ZC3H12B: variants seen among roughly 807,000 people sequenced by gnomAD.
ZC3H12B encodes zinc finger CCCH-type containing 12B, also known as probable ribonuclease ZC3H12B.
A neutral mutation model predicts 43.9 loss-of-function variants in ZC3H12B; 7 were observed. The observed-to-expected ratio is 0.16, with a 90% confidence interval of 0.09 to 0.30. The LOEUF (loss-of-function observed/expected upper bound fraction) is 0.30, where lower values mean the gene tolerates loss of function less well. Among genes scored for constraint, ZC3H12B ranks in the 10% least tolerant of loss-of-function variants. The pLI is 1.00. For synonymous variants in ZC3H12B, 222 were observed against 241.7 expected (o/e 0.92, Z 0.76); for missense variants, 475 against 670.2 (o/e 0.71, Z 3.22).
the ZC3H12B span, among the ~76,000 whole-genome samples, chrX:65,313,948 A>G: frequency 8.9e-6 from 1 of 111,978 alleles, no homozygotes; most frequent in Non-Finnish European, 1.9e-5. Context: ...TTGAAACAGC[A>G]GTCCTAAGCT....
At chrX:65,117,144 C>T in the ZC3H12B span, among the ~76,000 whole-genome samples, 2 of 111,877 alleles carry the variant, frequency 1.8e-5, no homozygotes, top group Admixed American at 1.9e-4. Context: ...CACTGTCTTC[C>T]ACAATGGTTG....
At chrX:65,127,221 C>G in the ZC3H12B span, among the ~76,000 whole-genome samples, 6 of 111,882 alleles carry the variant, frequency 5.4e-5, no homozygotes, top group African/African-American at 1.6e-4. Context: ...TCCCCCTTCC[C>G]CTAGGAAAGG....
chrX:65,368,156 G>C (rs927499441), intron 1 of ZC3H12B, among the ~76,000 whole-genome samples: 1 of 111,925 alleles, frequency 8.9e-6, no homozygotes, highest in Non-Finnish European at 1.9e-5. Context: ...TTTGGAGTGA[G>C]GTAGAAAGGG....
chrX:65,373,780 T>C (rs1172999398), intron 2 of ZC3H12B, among the ~76,000 whole-genome samples: 1 of 92,744 alleles, frequency 1.1e-5, no homozygotes, highest in Non-Finnish European at 2.1e-5. Flanking sequence ...TTAGGAGATA[T>C]ACCTAATGTA....
chrX:65,312,892 T>C, the ZC3H12B span, among the ~76,000 whole-genome samples: 1 of 111,779 alleles, frequency 8.9e-6, no homozygotes, highest in Non-Finnish European at 1.9e-5. Flanking sequence ...TTTTTTTGTT[T>C]GTTTTTTGAG....
At chrX:65,267,500 G>T in the ZC3H12B span, among the ~76,000 whole-genome samples, 2 of 109,902 alleles carry the variant, frequency 1.8e-5, no homozygotes, top group African/African-American at 6.6e-5. Flanking sequence ...TATACACAGG[G>T]GAAAAAAGGA....
At position 65,371,270 on chromosome X, in the gene ZC3H12B, C is replaced by T. The variant is rs746610858; in HGVS notation, n.295+2272C>T. ...TACATTTTCAAAGTATTTTAAATATCCACCATCTCATTTGAGTCTCATAAT... is the reference window on the plus strand; with the variant it reads ...TACATTTTCAAAGTATTTTAAATATTCACCATCTCATTTGAGTCTCATAAT... On this transcript the variant is annotated intron_variant and non_coding_transcript_variant, in intron 2 of 5. Transcript: ENST00000617377. Among the ~76,000 whole-genome samples, 3 of 111,739 alleles carry T rather than the reference C, an allele frequency of 2.7e-5. No homozygotes were observed. The East Asian group carries it at 8.4e-4, about 31-fold the overall frequency.
the ZC3H12B span, among the ~76,000 whole-genome samples, chrX:65,251,814 A>C: frequency 9.0e-6 from 1 of 111,473 alleles, no homozygotes; most frequent in East Asian, 2.8e-4. Flanking sequence ...GAAGTTGCTT[A>C]TCAGCTTAAG....
At chrX:65,162,040 G>C in the ZC3H12B span, among the ~76,000 whole-genome samples, 1 of 111,126 alleles carries the variant, frequency 9.0e-6, no homozygotes, top group African/African-American at 3.3e-5. Context: ...TAGTTTGGCT[G>C]GATATGAAAT....
chrX:65,066,509 G>T, the ZC3H12B span, among the ~76,000 whole-genome samples: 1 of 111,482 alleles, frequency 9.0e-6, no homozygotes, highest in Non-Finnish European at 1.9e-5. Flanking sequence ...TCTTTCCTCT[G>T]GAAGCTTCCT....
At chrX:65,251,345 G>A in the ZC3H12B span, among the ~76,000 whole-genome samples, 5 of 111,652 alleles carry the variant, frequency 4.5e-5, no homozygotes, top group Admixed American at 1.9e-4. Flanking sequence ...CTGTAGCCTT[G>A]TAGTATAGTT....
chrX:65,101,350 C>A, the ZC3H12B span, among the ~76,000 whole-genome samples: 1 of 111,090 alleles, frequency 9.0e-6, no homozygotes, highest in African/African-American at 3.3e-5. Flanking sequence ...GAAGCAAGAG[C>A]AAACAAATTC....
At chrX:65,302,360 C>T in the ZC3H12B span, among the ~76,000 whole-genome samples, 1 of 111,114 alleles carries the variant, frequency 9.0e-6, no homozygotes, top group Admixed American at 9.6e-5. Flanking sequence ...CAATTGCTTT[C>T]CTACATCTCA....
chrX:65,289,727 G>T, the ZC3H12B span, among the ~76,000 whole-genome samples: 2 of 110,115 alleles, frequency 1.8e-5, no homozygotes, highest in African/African-American at 6.6e-5. Flanking sequence ...ACAAGAATTT[G>T]CATTAGGGAA....
At chrX:65,456,908 C>A (rs1299562284) in intron 3 of ZC3H12B, among the ~76,000 whole-genome samples, 2 of 107,003 alleles carry the variant, frequency 1.9e-5, no homozygotes, top group African/African-American at 3.4e-5. Flanking sequence ...CGCCCATCGT[C>A]TGGGATATGA....
At chrX:65,286,723 G>A in the ZC3H12B span, among the ~76,000 whole-genome samples, 1 of 109,156 alleles carries the variant, frequency 9.2e-6, no homozygotes, top group Non-Finnish European at 1.9e-5. Context: ...ATATACATAG[G>A]TGTATATATG....
At chrX:65,203,450 A>T in the ZC3H12B span, among the ~76,000 whole-genome samples, 1 of 110,515 alleles carries the variant, frequency 9.0e-6, no homozygotes, top group Non-Finnish European at 1.9e-5. Flanking sequence ...CAGGTAATGA[A>T]TTCTGCCAGG....
the ZC3H12B span, among the ~76,000 whole-genome samples, chrX:65,204,198 G>A: frequency 2.7e-5 from 3 of 111,982 alleles, no homozygotes; most frequent in East Asian, 8.4e-4. Flanking sequence ...AACAGGTATT[G>A]CATTTATTCA....
chrX:65,431,891 T>G (rs1424331274), intron 3 of ZC3H12B, among the ~76,000 whole-genome samples: 3 of 112,341 alleles, frequency 2.7e-5, no homozygotes, highest in Non-Finnish European at 5.6e-5. Flanking sequence ...GAAGGTTTGT[T>G]TTTTACCACT....
Sources: allele counts gnomAD v4.1 joint callset (sites outside exome capture counted in the v4.1 genomes callset), GRCh38; gene constraint gnomAD v4.1.1; transcripts MANE v1.5; gene names NCBI Gene and HGNC (gene_info 2026-07-23, HGNC 2026-07-21).